The following ULK4 variants were observed in gnomAD, a reference collection of about 807,000 sequenced individuals.
ULK4 encodes the protein unc-51 like kinase 4.
Under a neutral mutation model 160.6 loss-of-function variants are expected in ULK4, and 133 were observed. The ratio of observed to expected loss-of-function variants is 0.83; its 90% CI spans 0.72 to 0.96. ULK4 has a LOEUF of 0.96. ULK4 is among the 40% of genes least tolerant of loss of function. ULK4 has a pLI of 0.00. For synonymous variants in ULK4, 534 were observed against 539.8 expected (o/e 0.99, Z 0.15); for missense variants, 1,580 against 1,499.5 (o/e 1.05, Z -0.89).
intron 35 of ULK4, among the ~76,000 whole-genome samples, chr3:41,313,805 G>A (rs1411812999): frequency 6.6e-6 from 1 of 152,074 alleles, no homozygotes; most frequent in Non-Finnish European, 1.5e-5. Flanking sequence ...CCCTCATTTT[G>A]AATACAGACC....
At position 41,717,872 on chromosome 3, in the gene ULK4, G is replaced by T. The variant is rs778035462; in HGVS notation, c.2322-11C>A. 1.2e-5 allele frequency: 20 copies of T among 1,612,930 alleles called. No homozygotes were observed. Among genetic ancestry groups the T allele is most frequent in the Non-Finnish European group, 1.6e-5 (19 of 1,179,302 alleles). Reference sequence around the variant, plus strand: ...ATGTACATCACCAGTCTACATACAGGAAAGTGCAAAGATTACCTCTCATGA... The same window carrying T: ...ATGTACATCACCAGTCTACATACAGTAAAGTGCAAAGATTACCTCTCATGA... On this transcript the variant is annotated splice_polypyrimidine_tract_variant and intron_variant, in intron 22 of 36. Transcript: ENST00000301831.
intron 34 of ULK4, among the ~76,000 whole-genome samples, chr3:41,411,417 T>C (rs975017404): frequency 7.6e-6 from 1 of 131,364 alleles, no homozygotes. Flanking sequence ...CAGACATTCC[T>C]TTCTTTTTTT....
chr3:41,704,446 C>A (rs757338520), intron 27 of ULK4, among the ~76,000 whole-genome samples: 11 of 152,288 alleles, frequency 7.2e-5, no homozygotes, highest in Non-Finnish European at 1.3e-4. Context: ...TAATTGTCTT[C>A]CTAACTGGCT....
intron 35 of ULK4, among the ~76,000 whole-genome samples, chr3:41,375,905 G>C (rs1436519986): frequency 1.3e-5 from 2 of 149,792 alleles, no homozygotes; most frequent in African/African-American, 5.0e-5. Flanking sequence ...CTAATATCCA[G>C]AATCTACAAG....
intron 31 of ULK4, among the ~76,000 whole-genome samples, chr3:41,612,992 C>T (rs2032757526): frequency 6.6e-6 from 1 of 152,178 alleles, no homozygotes; most frequent in South Asian, 2.1e-4. Flanking sequence ...CAGTAGACTA[C>T]CAGCTAAATG....
intron 18 of ULK4, among the ~76,000 whole-genome samples, chr3:41,835,523 A>G (rs2041727730): frequency 6.6e-6 from 1 of 152,242 alleles, no homozygotes; most frequent in South Asian, 2.1e-4. Context: ...TTCCATGGAA[A>G]GAACCAATGG....
intron 5 of ULK4, among the ~76,000 whole-genome samples, chr3:41,931,031 C>T (rs1485853767): frequency 6.6e-6 from 1 of 152,130 alleles, no homozygotes; most frequent in Non-Finnish European, 1.5e-5. Context: ...CATATGCACA[C>T]GTATGTTTAT....
intron 29 of ULK4, among the ~76,000 whole-genome samples, chr3:41,668,344 C>T (rs1272235607): frequency 6.6e-6 from 1 of 152,176 alleles, no homozygotes; most frequent in Non-Finnish European, 1.5e-5. Context: ...TCATGTGCCA[C>T]ATAATGACAT....
chr3:41,643,226 T>C (rs2034269218), intron 30 of ULK4, among the ~76,000 whole-genome samples: 1 of 152,166 alleles, frequency 6.6e-6, no homozygotes, highest in South Asian at 2.1e-4. Flanking sequence ...TTGGCTTTTG[T>C]TGCCATTGCT....
chr3:41,743,781 T>C (rs938008375), intron 22 of ULK4, among the ~76,000 whole-genome samples: 2 of 151,878 alleles, frequency 1.3e-5, no homozygotes, highest in Non-Finnish European at 2.9e-5. Context: ...TTCTCCTGCA[T>C]CAGCCTCCCA....
chr3:41,885,915 T>C (rs1697703803), intron 16 of ULK4, among the ~76,000 whole-genome samples: 2 of 152,104 alleles, frequency 1.3e-5, no homozygotes, highest in Non-Finnish European at 2.9e-5. Context: ...TGAGCTCAAG[T>C]GATCTGCCCA....
chr3:41,337,098 C>T (rs190607868), intron 35 of ULK4, among the ~76,000 whole-genome samples: 8 of 152,204 alleles, frequency 5.3e-5, no homozygotes, highest in Non-Finnish European at 8.8e-5. Context: ...AGACTACATG[C>T]CGCATCATGA....
chr3:41,822,770 G>A lies in ULK4; in HGVS notation c.1765-3264C>T, dbSNP rs1257686685. Among the ~76,000 whole-genome samples, 4 of 133,158 alleles carry A rather than the reference G, an allele frequency of 3.0e-5. No homozygotes were observed. The Admixed American group carries it at 3.3e-4, about 11-fold the overall frequency. The allele number at this position is 133,158 out of a possible 152,430, so 87.4% of individuals were successfully genotyped here. ...ACAGTCTCGCTCTGTCACCCAGGCTGGAGTGCAGTGGCAACATCTTGGCTC... is the reference window on the plus strand; with the variant it reads ...ACAGTCTCGCTCTGTCACCCAGGCTAGAGTGCAGTGGCAACATCTTGGCTC... On this transcript the variant is annotated intron_variant, in intron 18 of 36. Coordinates refer to ENST00000301831, the MANE Select transcript of ULK4 (RefSeq NM_017886.4).
Position 41,466,275 on chromosome 3 carries a change from T to A in ULK4, c.3227-3022A>T, listed in dbSNP as rs2125882178. ...TCCATGGTCTGAGCATTCGGGGTGT[T>A]CATTGCTACTGAGTCACTGATTCAG... On this transcript the variant is annotated intron_variant, in intron 32 of 36. Coordinates refer to ENST00000301831, the MANE Select transcript of ULK4 (RefSeq NM_017886.4). Among the ~76,000 whole-genome samples the A allele has an allele frequency of 2.0e-5, 3 of 152,304 alleles. No individual in the cohort carries two copies. The South Asian group carries it at 6.2e-4, about 32-fold the overall frequency.
At chr3:41,399,150 T>G (rs1376063506) in intron 34 of ULK4, among the ~76,000 whole-genome samples, 1 of 152,174 alleles carries the variant, frequency 6.6e-6, no homozygotes, top group Non-Finnish European at 1.5e-5. Flanking sequence ...AAATTTCCAT[T>G]TTCACTAACA....
At chr3:41,776,000 G>T (rs916186657) in intron 21 of ULK4, among the ~76,000 whole-genome samples, 11 of 150,502 alleles carry the variant, frequency 7.3e-5, no homozygotes, top group Non-Finnish European at 1.5e-4. Flanking sequence ...AAATTTCTTT[G>T]TACACATGTA....
Position 41,748,550 on chromosome 3 carries a change from T to G in ULK4, c.2321+5811A>C, listed in dbSNP as rs2038500738. Among the ~76,000 whole-genome samples, 3 of 152,156 alleles carry G rather than the reference T, an allele frequency of 2.0e-5. No individual in the cohort carries two copies. The South Asian group carries it at 6.2e-4, about 31-fold the overall frequency. ...TTGTTTTCAACTTTTAAAGACCACTTCATTTTTATTTCTATTTTTAACATT... is the reference window on the plus strand; with the variant it reads ...TTGTTTTCAACTTTTAAAGACCACTGCATTTTTATTTCTATTTTTAACATT... On this transcript the variant is annotated intron_variant, in intron 22 of 36. Coordinates refer to ENST00000301831, the MANE Select transcript of ULK4 (RefSeq NM_017886.4).
chr3:41,800,145 A>T lies in ULK4; in HGVS notation c.1997T>A (p.Ile666Lys). Reference sequence around the variant, plus strand: ...GCTTCATCTTACCGATACTGCTGTTATCCTAAGAGAATCAGCAGTGGAGTG... The same window carrying T: ...GCTTCATCTTACCGATACTGCTGTTTTCCTAAGAGAATCAGCAGTGGAGTG... ...FRHSTADSLRITAVSALCRIT... is the reference protein window; with the variant it reads ...FRHSTADSLRKTAVSALCRIT... Residue 666 changes from isoleucine to lysine, a missense_variant, in exon 20 of 37, where the codon ATA becomes AAA. By Grantham distance (102) the Ile-to-Lys change is moderately radical. Transcript: ENST00000301831. 1.2e-6 allele frequency: 2 copies of T among 1,609,242 alleles called. No individual in the cohort carries two copies. The highest frequency in any genetic ancestry group is 1.7e-6 in the Non-Finnish European group (2 of 1,178,922).
At chr3:41,883,750 A>C (rs1297859196) in intron 17 of ULK4, 124 bp downstream of exon 17, 2 of 899,428 alleles carry the variant, frequency 2.2e-6, no homozygotes. Flanking sequence ...CAGTTTTAGA[A>C]CGATTGCCAC....
Sources: allele counts gnomAD v4.1 joint callset (sites outside exome capture counted in the v4.1 genomes callset), GRCh38; gene constraint gnomAD v4.1.1; transcripts MANE v1.5; gene names NCBI Gene and HGNC (gene_info 2026-07-23, HGNC 2026-07-21).